CNTN6: variants seen among roughly 807,000 people sequenced by gnomAD.
The protein encoded by CNTN6 is contactin-6.
A neutral mutation model predicts 122.8 loss-of-function variants in CNTN6; 137 were observed. That is an observed-to-expected ratio of 1.12 (90% CI 0.97 to 1.29). The LOEUF is 1.29. Among genes scored for constraint, CNTN6 ranks in the 50% most tolerant of loss-of-function variants. CNTN6 has a pLI of 0.00. For synonymous variants in CNTN6, 570 were observed against 426.0 expected, an observed-to-expected ratio of 1.34 and a Z score of -4.16; for missense variants, 1,634 against 1,223.4, an observed-to-expected ratio of 1.34 and a Z score of -5.01.
At chr3:1,239,377 G>A (rs960508510) in intron 4 of CNTN6, among the ~76,000 whole-genome samples, 1 of 152,080 alleles carries the variant, frequency 6.6e-6, no homozygotes, top group African/African-American at 2.4e-5. Flanking sequence ...TACCAACAGT[G>A]ACCAAGCTGA....
At position 1,372,738 on chromosome 3, in the gene CNTN6, C is replaced by A. The variant is rs926163810; in HGVS notation, c.1669-100C>A. The A allele has an allele frequency of 1.1e-5, 8 of 753,354 alleles. No individual in the cohort carries two copies. The South Asian group carries it at 1.6e-4, about 15-fold the overall frequency. The allele number at this position is 753,354 out of a possible 1,614,324, so 46.7% of individuals were successfully genotyped here. A position where few individuals can be genotyped will look rare whatever the true frequency, so the allele number is the denominator to read the frequency against. On this transcript the variant is annotated intron_variant, in intron 13 of 22. Coordinates refer to ENST00000446702, the MANE Select transcript of CNTN6 (RefSeq NM_001289080.2). ...ATGATACTAGTATATCTTTTAATTTCAGAGTTGTTTTATGTTTCGTATTTA... is the reference window on the plus strand; with the variant it reads ...ATGATACTAGTATATCTTTTAATTTAAGAGTTGTTTTATGTTTCGTATTTA...
chr3:1,193,664 T>C (rs1424616688), intron 2 of CNTN6, among the ~76,000 whole-genome samples: 1 of 152,090 alleles, frequency 6.6e-6, no homozygotes, highest in African/African-American at 2.4e-5. Context: ...GTTTAATTTA[T>C]AAATATGTTC....
chr3:1,289,451 T>C (rs3772313), intron 5 of CNTN6, among the ~76,000 whole-genome samples: 76,557 of 151,934 alleles, frequency 0.5, 19,527 homozygotes, highest in East Asian at 0.64. Context: ...GCTTCTTCAC[T>C]TGTAAAAATG....
At chr3:1,329,497 C>A (rs1406548200) in intron 10 of CNTN6, among the ~76,000 whole-genome samples, 1 of 151,746 alleles carries the variant, frequency 6.6e-6, no homozygotes, top group Admixed American at 6.6e-5. Flanking sequence ...ATTTATTGAG[C>A]CTATACTTTG....
chr3:1,104,607 C>T (rs1384192137), intron 1 of CNTN6, among the ~76,000 whole-genome samples: 4 of 152,030 alleles, frequency 2.6e-5, no homozygotes, highest in Non-Finnish European at 5.9e-5. Flanking sequence ...TAATAACCAA[C>T]AGAATATCAT....
intron 1 of CNTN6, among the ~76,000 whole-genome samples, chr3:1,122,784 T>C (rs988418423): frequency 6.6e-6 from 1 of 151,924 alleles, no homozygotes; most frequent in East Asian, 1.9e-4. Flanking sequence ...CAGAACCTCA[T>C]TGCTCTTTAT....
intron 7 of CNTN6, among the ~76,000 whole-genome samples, chr3:1,305,196 A>T (rs998900145): frequency 6.6e-6 from 1 of 152,180 alleles, no homozygotes; most frequent in Non-Finnish European, 1.5e-5. Flanking sequence ...TCTGTCACGG[A>T]TACCATCATG....
At position 1,243,627 on chromosome 3, in the gene CNTN6, A is replaced by G. The variant is rs1033816855; in HGVS notation, c.358+15634A>G. The stretch of plus-strand genomic sequence containing the variant: ...GGGCTGGATTTTTATATTTGATGAA[A>G]AAGAGCCTAAACGCTATCTGATTTG... On this transcript the variant is annotated intron_variant, in intron 4 of 22. Coordinates refer to ENST00000446702, the MANE Select transcript of CNTN6 (RefSeq NM_001289080.2). Among the ~76,000 whole-genome samples, 28 of 152,038 alleles carry G rather than the reference A, an allele frequency of 1.8e-4. 1 individual carries two copies. Among genetic ancestry groups the G allele is most frequent in the Admixed American group, 1.5e-3 (23 of 15,264 alleles).
At chr3:1,268,397 G>A (rs1487623020) in intron 4 of CNTN6, among the ~76,000 whole-genome samples, 5 of 152,214 alleles carry the variant, frequency 3.3e-5, no homozygotes, top group East Asian at 1.9e-4. Context: ...CACGAGGTCA[G>A]GAGATCGAGA....
chr3:1,129,278 A>G (rs911496073), intron 1 of CNTN6, among the ~76,000 whole-genome samples: 1 of 152,110 alleles, frequency 6.6e-6, no homozygotes, highest in South Asian at 2.1e-4. Context: ...AGTGCAAGTT[A>G]GAGGGCTCCA....
At chr3:1,351,850 G>A (rs576903650) in intron 11 of CNTN6, among the ~76,000 whole-genome samples, 68 of 151,876 alleles carry the variant, frequency 4.5e-4, no homozygotes, top group African/African-American at 1.5e-3. Flanking sequence ...AAATACTGTC[G>A]TGGTTCAACA....
chr3:1,286,758 C>A (rs1450603686), intron 5 of CNTN6, among the ~76,000 whole-genome samples: 1 of 152,124 alleles, frequency 6.6e-6, no homozygotes, highest in Non-Finnish European at 1.5e-5. Flanking sequence ...AGTCAAGGCT[C>A]CTCCGTGTGC....
chr3:1,340,461 A>G (rs949787422), intron 11 of CNTN6, among the ~76,000 whole-genome samples: 2 of 152,180 alleles, frequency 1.3e-5, no homozygotes, highest in African/African-American at 4.8e-5. Flanking sequence ...TGAATACACA[A>G]TGTTCGGAAG....
chr3:1,258,881 G>A lies in CNTN6; in HGVS notation c.359-19532G>A, dbSNP rs547072233. ...TGAGATATTAATCTGAAGGAGTGTT[G>A]GTTAAGAGACAGACCAGTGGTCAGC... On this transcript the variant is annotated intron_variant, in intron 4 of 22. Coordinates refer to ENST00000446702, the MANE Select transcript of CNTN6 (RefSeq NM_001289080.2). Among the ~76,000 whole-genome samples the A allele has an allele frequency of 2.6e-5, 4 of 152,210 alleles. No individual in the cohort carries two copies. In the South Asian group the frequency reaches 8.3e-4, roughly 32 times the overall value.
At chr3:1,341,258 T>G (rs1703851710) in intron 11 of CNTN6, among the ~76,000 whole-genome samples, 1 of 152,082 alleles carries the variant, frequency 6.6e-6, no homozygotes, top group Admixed American at 6.6e-5. Flanking sequence ...AACTTCATAC[T>G]TTCTAGTCTT....
intron 1 of CNTN6, among the ~76,000 whole-genome samples, chr3:1,140,626 C>G (rs1172794966): frequency 6.6e-6 from 1 of 152,006 alleles, no homozygotes; most frequent in Non-Finnish European, 1.5e-5. Flanking sequence ...TTCAGCAAGA[C>G]TTCATGGCCT....
At chr3:1,103,043 T>C (rs775051360) in intron 1 of CNTN6, among the ~76,000 whole-genome samples, 3 of 151,384 alleles carry the variant, frequency 2.0e-5, no homozygotes, top group East Asian at 1.9e-4. Flanking sequence ...GAGGCGGAGC[T>C]TGCAGTGAGC....
At chr3:1,293,003 A>G (rs1017087957) in intron 5 of CNTN6, among the ~76,000 whole-genome samples, 1 of 152,062 alleles carries the variant, frequency 6.6e-6, no homozygotes, top group African/African-American at 2.4e-5. Flanking sequence ...TTATGGTTTA[A>G]TGACACTTTT....
intron 1 of CNTN6, among the ~76,000 whole-genome samples, chr3:1,094,423 T>C (rs1260966430): frequency 6.6e-6 from 1 of 152,118 alleles, no homozygotes; most frequent in Non-Finnish European, 1.5e-5. Flanking sequence ...TTTTAAGCAA[T>C]AATCATGGCT....
Sources: gnomAD v4.1 joint callset for allele counts (sites outside exome capture counted in the v4.1 genomes callset) on GRCh38, gnomAD v4.1.1 for gene constraint, MANE v1.5 for transcripts, NCBI Gene and HGNC (gene_info 2026-07-23, HGNC 2026-07-21) for gene names.